ASTN2: variants seen among roughly 807,000 people sequenced by gnomAD.
ASTN2 encodes the protein astrotactin-2.
In ASTN2, 54 loss-of-function variants were observed where a neutral mutation model predicts 139.8. The ratio of observed to expected loss-of-function variants is 0.39; its 90% CI spans 0.31 to 0.48. The LOEUF is 0.48. Among genes scored for constraint, ASTN2 ranks in the 20% least tolerant of loss-of-function variants. The pLI, the probability that ASTN2 is intolerant of heterozygous loss-of-function variation, is 0.95. For missense variants in ASTN2, 1,565 were observed against 1,725.1 expected (o/e 0.91, Z 1.64); for synonymous variants, 756 against 719.5 (o/e 1.05, Z -0.81).
intron 17 of ASTN2, among the ~76,000 whole-genome samples, chr9:116,636,706 T>G (rs1275798701): frequency 6.6e-6 from 1 of 151,936 alleles, no homozygotes; most frequent in Non-Finnish European, 1.5e-5. Context: ...AAGAAAAAGA[T>G]GTACTTAGAC....
intron 10 of ASTN2, among the ~76,000 whole-genome samples, chr9:116,972,349 G>A (rs1836235041): frequency 6.6e-6 from 1 of 152,002 alleles, no homozygotes; most frequent in Non-Finnish European, 1.5e-5. Flanking sequence ...GCATTCCATT[G>A]TGTTATTATT....
intron 13 of ASTN2, among the ~76,000 whole-genome samples, chr9:116,759,032 A>C (rs1450361938): frequency 6.6e-6 from 1 of 152,102 alleles, no homozygotes; most frequent in Non-Finnish European, 1.5e-5. Context: ...GCGTACCGCC[A>C]TGCCCTGCTA....
At chr9:116,956,115 G>A (rs1168126136) in intron 10 of ASTN2, among the ~76,000 whole-genome samples, 3 of 90,592 alleles carry the variant, frequency 3.3e-5, no homozygotes, top group African/African-American at 7.4e-5. Flanking sequence ...TTTTTTTTGA[G>A]ATGGAGTTTC....
intron 13 of ASTN2, among the ~76,000 whole-genome samples, chr9:116,778,035 C>G (rs12708292): frequency 0.39 from 59,613 of 151,646 alleles, 11,723 homozygotes; most frequent in Middle Eastern, 0.5. Flanking sequence ...TTAGTAGAGA[C>G]GGGGTTTCAC....
At chr9:116,439,048 G>T (rs1393688899) in intron 22 of ASTN2, among the ~76,000 whole-genome samples, 2 of 152,068 alleles carry the variant, frequency 1.3e-5, no homozygotes, top group Non-Finnish European at 2.9e-5. Flanking sequence ...TGCTAGAATT[G>T]AACAACATTG....
chr9:117,156,303 A>G (rs993108376), intron 3 of ASTN2, among the ~76,000 whole-genome samples: 1 of 152,114 alleles, frequency 6.6e-6, no homozygotes, highest in Non-Finnish European at 1.5e-5. Context: ...ATGATGCTGC[A>G]AAACAAACAC....
intron 22 of ASTN2, among the ~76,000 whole-genome samples, chr9:116,436,327 G>A (rs898718273): frequency 6.6e-6 from 1 of 152,126 alleles, no homozygotes; most frequent in African/African-American, 2.4e-5. Context: ...GATTGGGTGG[G>A]GTGGAGGGGC....
At chr9:116,536,139 T>A (rs527587639) in intron 19 of ASTN2, among the ~76,000 whole-genome samples, 353 of 152,148 alleles carry the variant, frequency 2.3e-3, no homozygotes, top group African/African-American at 5.1e-3. Context: ...TTCTTCCAGC[T>A]GATCAAATCG....
intron 3 of ASTN2, among the ~76,000 whole-genome samples, chr9:117,204,188 C>G (rs923616910): frequency 6.6e-6 from 1 of 152,226 alleles, no homozygotes; most frequent in African/African-American, 2.4e-5. Flanking sequence ...TGGGACCAAG[C>G]TGTGTAGCCT....
chr9:116,931,759 T>C (rs1408043679), intron 10 of ASTN2, among the ~76,000 whole-genome samples: 1 of 152,156 alleles, frequency 6.6e-6, no homozygotes, highest in Non-Finnish European at 1.5e-5. Flanking sequence ...TACTAAGACA[T>C]ACAAATATCA....
At chr9:116,937,448 G>A (rs890750181) in intron 10 of ASTN2, among the ~76,000 whole-genome samples, 41 of 152,116 alleles carry the variant, frequency 2.7e-4, no homozygotes, top group African/African-American at 8.9e-4. Flanking sequence ...TTTCCTCTGG[G>A]ACAGTTCACA....
chr9:116,620,538 C>A (rs1176575160), intron 17 of ASTN2, 95 bp from the exon 18 acceptor site: 2 of 1,497,492 alleles, frequency 1.3e-6, no homozygotes, highest in Non-Finnish European at 9.2e-7. Context: ...CCATCGAGGG[C>A]TTTAGAGTAG....
intron 6 of ASTN2, among the ~76,000 whole-genome samples, chr9:117,017,765 T>G: frequency 6.6e-6 from 1 of 152,290 alleles, no homozygotes; most frequent in East Asian, 1.9e-4. Context: ...GTATATACAA[T>G]ACATATTACT....
rs12004757 is a variant in ASTN2 at position 117,064,851 on chromosome 9, G to T, written c.1277-24886C>A. The stretch of plus-strand genomic sequence containing the variant: ...CTACTCTCAAGCACGCCTAGTCACT[G>T]GCCCCACCTAGATGCTTTCAACTGC... On this transcript the variant is annotated intron_variant, in intron 5 of 22. Transcript: ENST00000313400. 3.1e-3 allele frequency among the ~76,000 whole-genome samples: 476 copies of T among 151,986 alleles called. 2 individuals carry two copies. The highest frequency in any genetic ancestry group is 0.011 in the African/African-American group (445 of 41,472).
intron 10 of ASTN2, among the ~76,000 whole-genome samples, chr9:116,873,691 T>C (rs1833222974): frequency 6.6e-6 from 1 of 152,178 alleles, no homozygotes; most frequent in Non-Finnish European, 1.5e-5. Flanking sequence ...ATCCTCAATG[T>C]TGGAGGAGGA....
intron 10 of ASTN2, among the ~76,000 whole-genome samples, chr9:116,973,329 C>T (rs1836263616): frequency 6.6e-6 from 1 of 151,882 alleles, no homozygotes; most frequent in Non-Finnish European, 1.5e-5. Flanking sequence ...ATTATTATTA[C>T]CCTCTGTGAG....
At chr9:116,715,232 A>G (rs940423406) in intron 16 of ASTN2, among the ~76,000 whole-genome samples, 2 of 152,104 alleles carry the variant, frequency 1.3e-5, no homozygotes, top group African/African-American at 4.8e-5. Context: ...TCTATTTGTG[A>G]CAGTTCTCAG....
At chr9:116,645,971 T>C (rs1441958965) in intron 17 of ASTN2, among the ~76,000 whole-genome samples, 1 of 152,224 alleles carries the variant, frequency 6.6e-6, no homozygotes, top group East Asian at 1.9e-4. Context: ...ATCACTATCA[T>C]AGATAACATT....
At chr9:116,857,852 G>C (rs551492578) in intron 11 of ASTN2, among the ~76,000 whole-genome samples, 6 of 152,302 alleles carry the variant, frequency 3.9e-5, no homozygotes, top group South Asian at 2.1e-4. Context: ...TTATTGACCT[G>C]CTTGACCAAT....
Sources: allele counts gnomAD v4.1 joint callset (sites outside exome capture counted in the v4.1 genomes callset), GRCh38; gene constraint gnomAD v4.1.1; transcripts MANE v1.5; gene names NCBI Gene and HGNC (gene_info 2026-07-23, HGNC 2026-07-21).